The following SRGAP3 variants were observed in gnomAD, a reference collection of about 807,000 sequenced individuals.
SRGAP3 encodes the protein SLIT-ROBO Rho GTPase activating protein 3, also known as SLIT-ROBO Rho GTPase-activating protein 3.
In SRGAP3, 39 loss-of-function variants were observed where a neutral mutation model predicts 121.1. The observed-to-expected ratio is 0.32, with a 90% CI of 0.25 to 0.42. The LOEUF is 0.42. Among genes scored for constraint, SRGAP3 ranks in the 10% least tolerant of loss-of-function variants. The pLI is 1.00. For missense variants in SRGAP3, 1,213 were observed against 1,470.6 expected, an observed-to-expected ratio of 0.82 and a Z score of 2.86; for synonymous variants, 601 against 570.0, an observed-to-expected ratio of 1.05 and a Z score of -0.77.
chr3:9,258,735 C>T lies in SRGAP3; in HGVS notation n.442+67275G>A, dbSNP rs73120685. On this transcript the variant is annotated intron_variant and non_coding_transcript_variant, in intron 3 of 3. Transcript: ENST00000490889. Reference sequence around the variant, plus strand: ...TTTCGGATGCAGAATTGAGCTACAACACGAATACTGCCTCCCTCTAGGGTT... The same window carrying T: ...TTTCGGATGCAGAATTGAGCTACAATACGAATACTGCCTCCCTCTAGGGTT... Among the ~76,000 whole-genome samples the T allele has an allele frequency of 8.4e-3, 1,279 of 152,296 alleles. 22 individuals carry two copies. The highest frequency in any genetic ancestry group is 0.029 in the African/African-American group (1,204 of 41,564).
intron 1 of SRGAP3, among the ~76,000 whole-genome samples, chr3:9,173,318 G>C (rs1951056800): frequency 6.6e-6 from 1 of 152,202 alleles, no homozygotes; most frequent in Non-Finnish European, 1.5e-5. Flanking sequence ...CCTGACTCTG[G>C]CAGGCCCCAG....
At chr3:9,026,264 T>C (rs989715213) in intron 13 of SRGAP3, among the ~76,000 whole-genome samples, 1 of 152,244 alleles carries the variant, frequency 6.6e-6, no homozygotes, top group Non-Finnish European at 1.5e-5. Flanking sequence ...TAAATTAGTT[T>C]CATGGCATTT....
intron 3 of SRGAP3, among the ~76,000 whole-genome samples, chr3:9,308,065 G>T (rs745808028): frequency 6.6e-6 from 1 of 152,244 alleles, no homozygotes; most frequent in Non-Finnish European, 1.5e-5. Context: ...TGAGGCAGGA[G>T]AATCACTTGA....
intron 3 of SRGAP3, among the ~76,000 whole-genome samples, chr3:9,270,868 G>C (rs867833459): frequency 6.6e-6 from 1 of 151,762 alleles, no homozygotes; most frequent in Non-Finnish European, 1.5e-5. Flanking sequence ...TGCCTTTCCC[G>C]GAAATGCCTT....
intron 1 of SRGAP3, among the ~76,000 whole-genome samples, chr3:9,128,654 T>C (rs1012814516): frequency 6.6e-6 from 1 of 152,196 alleles, no homozygotes; most frequent in Non-Finnish European, 1.5e-5. Context: ...CAAGAATACT[T>C]TTAGTATCTT....
At chr3:9,005,817 C>G (rs1574889542) in intron 18 of SRGAP3, among the ~76,000 whole-genome samples, 1 of 152,080 alleles carries the variant, frequency 6.6e-6, no homozygotes, top group Admixed American at 6.5e-5. Context: ...TACAGGGCTT[C>G]TTTTCAAGAT....
chr3:9,257,394 T>A (rs1485552194), intron 3 of SRGAP3: 1 of 152,168 alleles, frequency 6.6e-6, no homozygotes. Flanking sequence ...AAGATGGTCA[T>A]CTGAAAGCCA....
At chr3:9,153,767 C>A (rs887674136) in intron 1 of SRGAP3, among the ~76,000 whole-genome samples, 1 of 152,054 alleles carries the variant, frequency 6.6e-6, no homozygotes, top group Admixed American at 6.5e-5. Context: ...TTATTGTATA[C>A]ATTATACATA....
intron 1 of SRGAP3, among the ~76,000 whole-genome samples, chr3:9,352,118 C>T (rs1212211982): frequency 1.3e-5 from 2 of 152,090 alleles, no homozygotes; most frequent in Non-Finnish European, 2.9e-5. Flanking sequence ...ATTACCCTCC[C>T]CTGTCCTGCA....
chr3:9,238,180 G>T (rs946589949), intron 1 of SRGAP3, among the ~76,000 whole-genome samples: 1 of 152,204 alleles, frequency 6.6e-6, no homozygotes, highest in Admixed American at 6.5e-5. Context: ...AGAAACTTTG[G>T]GTTGCACTGG....
chr3:9,065,665 T>C (rs1946396741), intron 4 of SRGAP3: 1 of 152,242 alleles, frequency 6.6e-6, no homozygotes, highest in South Asian at 2.1e-4. Flanking sequence ...GTGCCGTACA[T>C]ATCAGAACTT....
chr3:9,250,131 T>C (rs1039786083), upstream of SRGAP3, among the ~76,000 whole-genome samples: 2 of 152,168 alleles, frequency 1.3e-5, no homozygotes, highest in Non-Finnish European at 2.9e-5. Context: ...GGGTGGGTCA[T>C]TGGCTTGTGG....
At chr3:9,101,434 C>T (rs1320318328) in intron 3 of SRGAP3, among the ~76,000 whole-genome samples, 1 of 152,244 alleles carries the variant, frequency 6.6e-6, no homozygotes, top group Admixed American at 6.5e-5. Context: ...AGACGCAGCA[C>T]CCGGTGTGCT....
chr3:9,203,333 T>C (rs1378037816), intron 1 of SRGAP3, among the ~76,000 whole-genome samples: 1 of 152,230 alleles, frequency 6.6e-6, no homozygotes, highest in African/African-American at 2.4e-5. Flanking sequence ...CTGGGCACCC[T>C]GGGAAACCAC....
At chr3:9,012,428 G>A (rs1250234047) in intron 17 of SRGAP3, among the ~76,000 whole-genome samples, 2 of 152,256 alleles carry the variant, frequency 1.3e-5, no homozygotes, top group Admixed American at 1.3e-4. Context: ...CACATTTAAA[G>A]ATTTTTTTCC....
At position 8,989,926 on chromosome 3, in the gene SRGAP3, T is replaced by C. The variant is rs74580389; in HGVS notation, c.2886+586A>G. 6.6e-3 allele frequency among the ~76,000 whole-genome samples: 1,013 copies of C among 152,332 alleles called. 8 individuals carry two copies. The highest frequency in any genetic ancestry group is 0.023 in the African/African-American group (965 of 41,574). The stretch of plus-strand genomic sequence containing the variant: ...GAAGTCTCTCCCTGCCTAGGTGCAA[T>C]CCTCACATTTTAGGCTCTCAAAATA... On this transcript the variant is annotated intron_variant, in intron 21 of 21. Transcript: ENST00000383836.
intron 1 of SRGAP3, among the ~76,000 whole-genome samples, chr3:9,238,483 T>C (rs956718616): frequency 6.6e-6 from 1 of 152,134 alleles, no homozygotes; most frequent in African/African-American, 2.4e-5. Context: ...GATACCACCC[T>C]TGTTCCCCGC....
At chr3:9,158,957 G>A (rs1349112864) in intron 1 of SRGAP3, among the ~76,000 whole-genome samples, 1 of 152,168 alleles carries the variant, frequency 6.6e-6, no homozygotes. Flanking sequence ...GCAGCCAGAG[G>A]AGGAAGAGTC....
Position 9,123,730 on chromosome 3 carries a change from A to ATGTGTGTGTGTGTGTG in SRGAP3, c.260+994_260+995insCACACACACACACACA, listed in dbSNP as rs1156597319. ...AAAATATATATATATATATATGTAT[A>ATGTGTGTGTGTGTGTG]TATGTGTGTGTGTGTGTGTGTGTGT... On this transcript the variant is annotated intron_variant, in intron 2 of 21. Coordinates refer to ENST00000383836, the MANE Select transcript of SRGAP3 (RefSeq NM_014850.4). Among the ~76,000 whole-genome samples the ATGTGTGTGTGTGTGTG allele has an allele frequency of 3.3e-4, 36 of 110,236 alleles. No individual in the cohort carries two copies. The South Asian group carries it at 5.3e-3, about 16-fold the overall frequency. 72.3% of individuals were successfully genotyped at this position (110,236 alleles called of 152,430 possible).
Sources: allele counts gnomAD v4.1 joint callset (sites outside exome capture counted in the v4.1 genomes callset), GRCh38; gene constraint gnomAD v4.1.1; transcripts MANE v1.5; gene names NCBI Gene and HGNC (gene_info 2026-07-23, HGNC 2026-07-21).